Variants in TET2 observed in about 807,000 individuals in gnomAD.
TET2 encodes the protein tet methylcytosine dioxygenase 2.
A neutral mutation model predicts 142.9 loss-of-function variants in TET2; 299 were observed. The observed-to-expected ratio is 2.09, with a 90% confidence interval of 1.90 to 2.30. TET2 has a LOEUF of 2.30. Ranked by LOEUF, TET2 falls within the 30% of genes most tolerant of loss-of-function variation. The pLI, the probability that TET2 is intolerant of heterozygous loss-of-function variation, is 0.00. For missense variants in TET2, 2,418 were observed against 2,378.0 expected, an observed-to-expected ratio of 1.02 and a Z score of -0.35; for synonymous variants, 819 against 849.0, an observed-to-expected ratio of 0.96 and a Z score of 0.61.
At chr4:105,197,129 T>C (rs1430911239) in intron 2 of TET2, among the ~76,000 whole-genome samples, 1 of 152,216 alleles carries the variant, frequency 6.6e-6, no homozygotes, top group Non-Finnish European at 1.5e-5. Context: ...CCTACATTTT[T>C]TTCACTAAAG....
intron 2 of TET2, among the ~76,000 whole-genome samples, chr4:105,209,060 T>C (rs1323258679): frequency 1.5e-5 from 1 of 67,870 alleles, no homozygotes; most frequent in Non-Finnish European, 2.4e-5. Context: ...TATATATATA[T>C]ATATATATAT....
intron 1 of TET2, among the ~76,000 whole-genome samples, chr4:105,188,491 G>C (rs1273112378): frequency 6.6e-6 from 1 of 152,138 alleles, no homozygotes; most frequent in Admixed American, 6.6e-5. Context: ...CCACAGAATA[G>C]TATACTTAAA....
chr4:105,185,969 G>A (rs1184122908), intron 1 of TET2, among the ~76,000 whole-genome samples: 3 of 152,168 alleles, frequency 2.0e-5, no homozygotes, highest in African/African-American at 4.8e-5. Context: ...GCTCACACCT[G>A]TAATCCCAGC....
chr4:105,199,868 A>T (rs1348290009), intron 2 of TET2, among the ~76,000 whole-genome samples: 2 of 152,180 alleles, frequency 1.3e-5, no homozygotes, highest in African/African-American at 4.8e-5. Context: ...AAAAAACATG[A>T]TCTTATTCTC....
chr4:105,249,802 C>T (rs1000115132), intron 6 of TET2, among the ~76,000 whole-genome samples: 5 of 152,158 alleles, frequency 3.3e-5, no homozygotes, highest in African/African-American at 1.2e-4. Context: ...TATGTTGATA[C>T]TTGAACTTTG....
intron 2 of TET2, among the ~76,000 whole-genome samples, chr4:105,230,718 T>C (rs1728459050): frequency 6.6e-6 from 1 of 152,206 alleles, no homozygotes; most frequent in Admixed American, 6.5e-5. Flanking sequence ...TTAAGAAAAG[T>C]TTTATACAAC....
intron 1 of TET2, among the ~76,000 whole-genome samples, chr4:105,177,252 G>A (rs1443671772): frequency 1.7e-4 from 26 of 152,126 alleles, no homozygotes; most frequent in Admixed American, 1.5e-3. Context: ...CCAAAGGCAC[G>A]ATACATGAAG....
intron 8 of TET2, among the ~76,000 whole-genome samples, chr4:105,263,225 T>G (rs560903906): frequency 6.6e-6 from 1 of 152,278 alleles, no homozygotes; most frequent in Non-Finnish European, 1.5e-5. Context: ...TCTTTGAACT[T>G]TATTCTGTAG....
At chr4:105,254,539 G>A (rs1329427812) in intron 6 of TET2, among the ~76,000 whole-genome samples, 4 of 152,130 alleles carry the variant, frequency 2.6e-5, no homozygotes, top group Admixed American at 2.6e-4. Context: ...AGCCTCCCAA[G>A]TAGCTCGGAC....
chr4:105,160,023 T>C (rs1394399469), intron 1 of TET2, among the ~76,000 whole-genome samples: 1 of 152,004 alleles, frequency 6.6e-6, no homozygotes, highest in Non-Finnish European at 1.5e-5. Flanking sequence ...AAAATCTTGA[T>C]ATTTGTATGC....
chr4:105,159,251 C>CTTT (rs779676545), intron 1 of TET2, among the ~76,000 whole-genome samples: 21 of 134,588 alleles, frequency 1.6e-4, no homozygotes, highest in African/African-American at 3.6e-4. Flanking sequence ...TTCTTTCTTT[C>CTTT]TTTTTTTTTT....
At chr4:105,223,318 A>T (rs1578649733) in intron 2 of TET2, among the ~76,000 whole-genome samples, 1 of 152,106 alleles carries the variant, frequency 6.6e-6, no homozygotes, top group East Asian at 1.9e-4. Context: ...GTTGAAAAAT[A>T]TATGTTTTGG....
chr4:105,266,845 T>C (rs1730703298), intron 8 of TET2, among the ~76,000 whole-genome samples: 1 of 151,968 alleles, frequency 6.6e-6, no homozygotes. Flanking sequence ...GGCCAAATTT[T>C]TTTCAGATTT....
At chr4:105,245,938 CTA>C (rs1449411321) in intron 6 of TET2, among the ~76,000 whole-genome samples, 2 of 152,130 alleles carry the variant, frequency 1.3e-5, no homozygotes. Context: ...TTCCTGGAAA[CTA>C]TATTTCATTC....
chr4:105,213,273 C>T (rs1432522404), intron 2 of TET2, among the ~76,000 whole-genome samples: 2 of 152,028 alleles, frequency 1.3e-5, no homozygotes, highest in Non-Finnish European at 2.9e-5. Context: ...CAGTATAGTT[C>T]TTTTGTTATT....
chr4:105,162,184 A>G (rs1243773800), intron 1 of TET2, among the ~76,000 whole-genome samples: 1 of 152,202 alleles, frequency 6.6e-6, no homozygotes, highest in African/African-American at 2.4e-5. Flanking sequence ...CTTGGTGATG[A>G]TAACATTCGT....
Position 105,231,989 on chromosome 4 carries a change from C to T in TET2, c.-46-1908C>T, listed in dbSNP as rs189382660. ...ACTATTTTGTCACCCAGGTAATAAG[C>T]GTAGTACTTAATAGGTAGTTTTTTG... On this transcript the variant is annotated intron_variant, in intron 2 of 10. Coordinates refer to ENST00000380013, the MANE Select transcript of TET2 (RefSeq NM_001127208.3). 4.6e-5 allele frequency among the ~76,000 whole-genome samples: 7 copies of T among 152,250 alleles called. No homozygotes were observed. In the East Asian group the frequency reaches 9.6e-4, roughly 21 times the overall value.
chr4:105,224,352 A>C (rs1190714450), intron 2 of TET2, among the ~76,000 whole-genome samples: 1 of 152,120 alleles, frequency 6.6e-6, no homozygotes, highest in Non-Finnish European at 1.5e-5. Context: ...TTTGCACACT[A>C]ATGTGCTATT....
At position 105,237,199 on chromosome 4, in the gene TET2, C is replaced by G. The variant is rs746357005; in HGVS notation, c.3257C>G (p.Thr1086Ser). The G allele has an allele frequency of 1.2e-6, 2 of 1,614,140 alleles. No homozygotes were observed. The highest frequency in any genetic ancestry group is 2.2e-5 in the South Asian group (2 of 91,082). ...SHTPALEQQT[T>S]SSEKTPTKRT... is the part of the protein sequence containing the mutation. ...ACCCCAGCTTTAGAGCAGCAAACAA[C>G]TTCTTCAGAAAAGACACCAACCAAA... Residue 1086 changes from threonine to serine, a missense_variant, in exon 3 of 11, where the codon ACT becomes AGT. Physicochemically the swap from Thr to Ser is moderately conservative, Grantham distance 58. Transcript: ENST00000380013.
Sources: gnomAD v4.1 joint callset for allele counts (sites outside exome capture counted in the v4.1 genomes callset) on GRCh38, gnomAD v4.1.1 for gene constraint, MANE v1.5 for transcripts, NCBI Gene and HGNC (gene_info 2026-07-23, HGNC 2026-07-21) for gene names.